Variants in ERCC6 observed in about 807,000 individuals in gnomAD.
ERCC6 encodes ERCC excision repair 6, chromatin remodeling factor.
ERCC6 carries 116 observed loss-of-function variants against 158.7 expected under a neutral mutation model. The observed-to-expected ratio is 0.73, with a 90% CI of 0.63 to 0.85. The LOEUF (loss-of-function observed/expected upper bound fraction) is 0.85, where lower values mean the gene tolerates loss of function less well. Ranked by LOEUF, ERCC6 falls within the 40% of genes least tolerant of loss-of-function variation. The probability of loss-of-function intolerance (pLI) is 0.00; values close to 1 mark genes in which losing one functional copy is unlikely to be tolerated. For missense variants in ERCC6, 1,698 were observed against 1,799.4 expected (o/e 0.94, Z 1.02); for synonymous variants, 678 against 659.3 (o/e 1.03, Z -0.43).
chr10:49,506,203 T>C, intron 5 of ERCC6, 191 bp from the exon 6 acceptor site: 1 of 622,530 alleles, frequency 1.6e-6, no homozygotes, highest in African/African-American at 1.8e-5. Context: ...TCTCAATTCA[T>C]TTCTTATGTA....
chr10:49,453,535 A>G (rs2132518588), downstream of ERCC6, among the ~76,000 whole-genome samples: 1 of 152,346 alleles, frequency 6.6e-6, no homozygotes, highest in Middle Eastern at 3.4e-3. Context: ...ATTATTTGAT[A>G]CAGTTGCATT....
At position 49,539,104 on chromosome 10, in the gene ERCC6, T is replaced by C. The variant is rs1374764077; in HGVS notation, c.-157A>G. On this transcript the variant is annotated 5_prime_UTR_variant, in exon 1 of 21. Coordinates refer to ENST00000355832, the MANE Select transcript of ERCC6 (RefSeq NM_000124.4). ...CAACAGCGACTCCGACTTCTGCTGG[T>C]GCGGGGAGGCCCGTGGCGCATGCGC... 1.3e-5 allele frequency: 2 copies of C among 152,322 alleles called. No individual in the cohort carries two copies. The highest frequency in any genetic ancestry group is 1.9e-4 in the East Asian group (1 of 5,180). The allele number at this position is 152,322 out of a possible 1,614,324, so 9.4% of individuals were successfully genotyped here.
intron 5 of ERCC6, among the ~76,000 whole-genome samples, chr10:49,520,253 G>C (rs1590466244): frequency 6.6e-6 from 1 of 152,272 alleles, no homozygotes; most frequent in South Asian, 2.1e-4. Flanking sequence ...CACTTCCTAA[G>C]TCAGCGTCTC....
Position 49,472,951 on chromosome 10 carries a change from A to G in ERCC6, c.2787T>C (p.Val929=). The change falls in exon 15 of 21, where the codon GTT becomes GTC. Residue 929 remains valine, a synonymous_variant. Coordinates refer to ENST00000355832, the MANE Select transcript of ERCC6 (RefSeq NM_000124.4). ...LGVNLTGANR[V]VIYDPDWNPS... ...GGTTCCAGTCTGGGTCATAGATGAC[A>G]ACTCTGTTTGCCCCCGTCAGGTTGA... 2 of 1,614,190 alleles carry G rather than the reference A, an allele frequency of 1.2e-6. No homozygotes were observed. The highest frequency in any genetic ancestry group is 1.7e-6 in the Non-Finnish European group (2 of 1,180,024).
intron 7 of ERCC6, 100 bp from the exon 8 acceptor site, chr10:49,493,352 C>A: frequency 1.4e-6 from 2 of 1,404,828 alleles, no homozygotes; most frequent in South Asian, 1.2e-5. Context: ...AAACTTAGTT[C>A]AAAAAAACAA....
At chr10:49,536,190 G>A (rs1349706697) in intron 1 of ERCC6, among the ~76,000 whole-genome samples, 1 of 152,220 alleles carries the variant, frequency 6.6e-6, no homozygotes, top group Non-Finnish European at 1.5e-5. Context: ...TAGTTGGTGT[G>A]TAAGGAGTGG....
chr10:49,500,537 C>T lies in ERCC6; in HGVS notation c.1685+1G>A. On this transcript the variant is annotated splice_donor_variant, in intron 7 of 20. Transcript: ENST00000355832. LOFTEE classifies it high-confidence loss of function. Reference sequence around the variant, plus strand: ...CTGACAGTCTGCAGAGGAGCACTTGCCTGTAATTTGAACCACGAGTCCTGA... The same window carrying T: ...CTGACAGTCTGCAGAGGAGCACTTGTCTGTAATTTGAACCACGAGTCCTGA... 1 of 1,613,732 alleles carries T rather than the reference C, an allele frequency of 6.2e-7. No homozygotes were observed. The highest frequency in any genetic ancestry group is 1.3e-5 in the African/African-American group (1 of 75,018).
At chr10:49,460,789 C>T (rs1040281625) in intron 19 of ERCC6, among the ~76,000 whole-genome samples, 17 of 151,738 alleles carry the variant, frequency 1.1e-4, no homozygotes, top group Admixed American at 3.3e-4. Context: ...GGCATGGTGG[C>T]GGGAGCCTGT....
At position 49,515,926 on chromosome 10, in the gene ERCC6, C is replaced by G. The variant is rs1554791775; in HGVS notation, c.1397+8107G>C. ...CCATCAATTCGATAATCAAATGTGC[C>G]TCTTTCTTTTTTCTTTAAAGCTACA... On this transcript the variant is annotated intron_variant, in intron 5 of 20. Coordinates refer to ENST00000355832, the MANE Select transcript of ERCC6 (RefSeq NM_000124.4). 1.9e-6 allele frequency: 3 copies of G among 1,614,148 alleles called. No homozygotes were observed. The South Asian group carries it at 3.3e-5, about 18-fold the overall frequency.
intron 4 of ERCC6, among the ~76,000 whole-genome samples, chr10:49,525,858 G>A (rs1837305802): frequency 6.6e-6 from 1 of 151,620 alleles, no homozygotes; most frequent in Non-Finnish European, 1.5e-5. Flanking sequence ...GACTCCTAAC[G>A]TACAGACAAG....
intron 18 of ERCC6, among the ~76,000 whole-genome samples, chr10:49,462,919 A>G (rs996715480): frequency 6.6e-6 from 1 of 152,206 alleles, no homozygotes; most frequent in African/African-American, 2.4e-5. Flanking sequence ...AACAAACAAA[A>G]CAAACTTACA....
chr10:49,494,440 A>G (rs1395333560), intron 7 of ERCC6, among the ~76,000 whole-genome samples: 1 of 152,226 alleles, frequency 6.6e-6, no homozygotes, highest in Non-Finnish European at 1.5e-5. Context: ...TTTAAAAATT[A>G]TTTATGGAAT....
intron 16 of ERCC6, 133 bp downstream of exon 16, chr10:49,472,243 C>T (rs575094358): frequency 1.2e-6 from 1 of 862,470 alleles, no homozygotes; most frequent in Admixed American, 1.8e-5. Flanking sequence ...AAATACAAAA[C>T]AAAAACCAAA....
rs1380477276 is a variant in ERCC6 at position 49,480,994 on chromosome 10, C to T, written c.2169+1693G>A. On this transcript the variant is annotated intron_variant, in intron 10 of 20. Coordinates refer to ENST00000355832, the MANE Select transcript of ERCC6 (RefSeq NM_000124.4). ...GAGTGATTATAGACTAGATAACAGA[C>T]TCCTATTAATGTTAAACTTCGTTCT... is the stretch of plus-strand genomic sequence containing the variant. Among the ~76,000 whole-genome samples, 3 of 152,192 alleles carry T rather than the reference C, an allele frequency of 2.0e-5. No individual in the cohort carries two copies. The East Asian group carries it at 5.8e-4, about 29-fold the overall frequency.
At chr10:49,476,575 T>C (rs986670595) in intron 11 of ERCC6, among the ~76,000 whole-genome samples, 1 of 152,088 alleles carries the variant, frequency 6.6e-6, no homozygotes, top group Non-Finnish European at 1.5e-5. Context: ...GCAAGTTCAG[T>C]GCCCAGGTGC....
chr10:49,510,393 A>T (rs1185416203), intron 5 of ERCC6, among the ~76,000 whole-genome samples: 1 of 152,108 alleles, frequency 6.6e-6, no homozygotes, highest in African/African-American at 2.4e-5. Context: ...GCATTCCTGT[A>T]CTGTCCCCAA....
chr10:49,490,649 G>T (rs540714920), intron 8 of ERCC6, among the ~76,000 whole-genome samples: 1 of 152,066 alleles, frequency 6.6e-6, no homozygotes, highest in African/African-American at 2.4e-5. Flanking sequence ...CACCACGCCC[G>T]GACAATTTTC....
At chr10:49,488,322 A>G (rs973772198) in intron 8 of ERCC6, 1 of 155,752 alleles carries the variant, frequency 6.4e-6, no homozygotes, top group Non-Finnish European at 1.5e-5. Flanking sequence ...GCACAGGCAC[A>G]TGAAGGCCAT....
chr10:49,446,033 CATAACT>C, the ERCC6 span, among the ~76,000 whole-genome samples: 1 of 152,160 alleles, frequency 6.6e-6, no homozygotes, highest in African/African-American at 2.4e-5. Flanking sequence ...TCAGACAATT[CATAACT>C]ATAAGTTCAC....
Sources: gnomAD v4.1 joint callset for allele counts (sites outside exome capture counted in the v4.1 genomes callset) on GRCh38, gnomAD v4.1.1 for gene constraint, MANE v1.5 for transcripts, NCBI Gene and HGNC (gene_info 2026-07-23, HGNC 2026-07-21) for gene names.